NDUFAF2: variants seen among roughly 807,000 people sequenced by gnomAD.
NDUFAF2 encodes the protein NADH dehydrogenase [ubiquinone] 1 alpha subcomplex assembly factor 2.
Under a neutral mutation model 22.8 loss-of-function variants are expected in NDUFAF2, and 13 were observed. The observed-to-expected ratio is 0.57, with a 90% confidence interval of 0.37 to 0.91. NDUFAF2 has a LOEUF of 0.91. Among genes scored for constraint, NDUFAF2 ranks in the 40% least tolerant of loss-of-function variants. NDUFAF2 has a pLI of 0.01. For synonymous variants in NDUFAF2, 53 were observed against 64.2 expected (o/e 0.83, Z 0.84); for missense variants, 162 against 195.2 (o/e 0.83, Z 1.01).
chr5:61,029,021 C>T (rs1458386582), intron 1 of NDUFAF2, among the ~76,000 whole-genome samples: 2 of 151,436 alleles, frequency 1.3e-5, no homozygotes, highest in Non-Finnish European at 2.9e-5. Flanking sequence ...TAAAACTGTA[C>T]AGACCACTTT....
intron 3 of NDUFAF2, among the ~76,000 whole-genome samples, chr5:61,148,876 A>G (rs1196347439): frequency 6.6e-6 from 1 of 152,216 alleles, no homozygotes; most frequent in Non-Finnish European, 1.5e-5. Context: ...AATATGGAAA[A>G]ATCTGTAATC....
chr5:61,007,150 G>C (rs1324279820), intron 1 of NDUFAF2, among the ~76,000 whole-genome samples: 1 of 151,874 alleles, frequency 6.6e-6, no homozygotes, highest in African/African-American at 2.4e-5. Context: ...TTTGGCTTTT[G>C]TTGCCATTGC....
At chr5:61,122,154 C>T (rs1752984133) in intron 3 of NDUFAF2, among the ~76,000 whole-genome samples, 1 of 152,108 alleles carries the variant, frequency 6.6e-6, no homozygotes, top group East Asian at 1.9e-4. Flanking sequence ...CTGATTTCAA[C>T]TCTTTCCTGG....
At chr5:60,960,066 A>G (rs1365445181) in intron 1 of NDUFAF2, among the ~76,000 whole-genome samples, 1 of 152,124 alleles carries the variant, frequency 6.6e-6, no homozygotes, top group Admixed American at 6.5e-5. Flanking sequence ...TTAATCTTGA[A>G]TTCTAGTTTT....
intron 1 of NDUFAF2, among the ~76,000 whole-genome samples, chr5:61,002,244 C>G (rs1751306085): frequency 6.6e-6 from 1 of 152,102 alleles, no homozygotes. Flanking sequence ...TGAGTCCTCT[C>G]TAATACTAGC....
intron 1 of NDUFAF2, among the ~76,000 whole-genome samples, chr5:61,042,365 A>T (rs1338688989): frequency 6.6e-6 from 1 of 152,232 alleles, no homozygotes; most frequent in East Asian, 1.9e-4. Context: ...TTGTATAAAA[A>T]GGAAAAGTAC....
At chr5:61,027,831 T>C (rs1001316393) in intron 1 of NDUFAF2, among the ~76,000 whole-genome samples, 1 of 152,028 alleles carries the variant, frequency 6.6e-6, no homozygotes, top group Non-Finnish European at 1.5e-5. Flanking sequence ...ATTTCTCTTT[T>C]AGCTTGTTGT....
chr5:61,031,323 A>G (rs942237085), intron 1 of NDUFAF2, among the ~76,000 whole-genome samples: 46 of 152,004 alleles, frequency 3.0e-4, no homozygotes, highest in Non-Finnish European at 5.6e-4. Flanking sequence ...ACCCCCTGAC[A>G]GGCCCTGGTG....
intron 1 of NDUFAF2, among the ~76,000 whole-genome samples, chr5:60,980,932 C>G (rs181232368): frequency 2.0e-5 from 3 of 151,934 alleles, no homozygotes; most frequent in Admixed American, 1.3e-4. Flanking sequence ...AGTATGTTTA[C>G]AAGATCTAGA....
intron 1 of NDUFAF2, among the ~76,000 whole-genome samples, chr5:61,024,062 A>G (rs1421190886): frequency 6.6e-6 from 1 of 152,138 alleles, no homozygotes; most frequent in African/African-American, 2.4e-5. Context: ...TATTATTTTG[A>G]AAGTATTTTA....
At chr5:61,114,885 T>G (rs1193164740) in intron 3 of NDUFAF2, 2 of 152,224 alleles carry the variant, frequency 1.3e-5, no homozygotes, top group African/African-American at 4.8e-5. Flanking sequence ...TCCCTTACTT[T>G]CTCTCAAACA....
At chr5:60,999,409 T>C (rs1428501338) in intron 1 of NDUFAF2, among the ~76,000 whole-genome samples, 1 of 152,122 alleles carries the variant, frequency 6.6e-6, no homozygotes, top group East Asian at 1.9e-4. Flanking sequence ...TACTAATTTA[T>C]ACTTGCTGCC....
intron 2 of NDUFAF2, among the ~76,000 whole-genome samples, chr5:61,077,509 A>C (rs369137694): frequency 2.0e-5 from 3 of 152,180 alleles, no homozygotes; most frequent in African/African-American, 7.2e-5. Flanking sequence ...GCAAGAGAGA[A>C]TTTGGAGAGT....
At chr5:61,050,569 T>G (rs559899032) in intron 1 of NDUFAF2, 2 of 152,238 alleles carry the variant, frequency 1.3e-5, no homozygotes, top group African/African-American at 2.4e-5. Context: ...ATCATAAAAT[T>G]TATGCACTTT....
rs117576600 is a variant in NDUFAF2, at chr5:61,095,648, G to A, written c.218-3344G>A. On this transcript the variant is annotated intron_variant, in intron 2 of 3. Transcript: ENST00000296597. Reference sequence around the variant, plus strand: ...TGCCTGAGTGGCTGCTCTGCCAAGAGTCCACACAGCTCTGTGTCAGACCAA... The same window carrying A: ...TGCCTGAGTGGCTGCTCTGCCAAGAATCCACACAGCTCTGTGTCAGACCAA... Among the ~76,000 whole-genome samples the A allele has an allele frequency of 5.8e-3, 887 of 152,350 alleles. 21 individuals are homozygous for A. In the South Asian group the frequency reaches 0.064, roughly 11 times the overall value.
rs1173622571 is a variant in NDUFAF2, at chr5:60,983,085, T to C, written c.127+37703T>C. On this transcript the variant is annotated intron_variant, in intron 1 of 3. Coordinates refer to ENST00000296597, the MANE Select transcript of NDUFAF2 (RefSeq NM_174889.5). ...TGTTGTTTCCTGATTTTTTAATGAT[T>C]GCCATTCTAACTGGTGTGAGATGGT... is the stretch of plus-strand genomic sequence containing the variant. 2.5e-3 allele frequency among the ~76,000 whole-genome samples: 373 copies of C among 151,538 alleles called. 7 individuals carry two copies. The highest frequency in any genetic ancestry group is 8.3e-3 in the African/African-American group (342 of 41,304).
chr5:61,039,779 A>G (rs1751848580), intron 1 of NDUFAF2, among the ~76,000 whole-genome samples: 1 of 152,178 alleles, frequency 6.6e-6, no homozygotes, highest in African/African-American at 2.4e-5. Context: ...CTCATCAAAG[A>G]AAACAAACAT....
chr5:61,054,216 TAAAATA>T, intron 1 of NDUFAF2, among the ~76,000 whole-genome samples: 1 of 144,866 alleles, frequency 6.9e-6, no homozygotes, highest in African/African-American at 2.4e-5. Flanking sequence ...AAAACAAAAA[TAAAATA>T]AAAATATAAC....
At position 60,968,435 on chromosome 5, in the gene NDUFAF2, A is replaced by G. The variant is rs1750786107; in HGVS notation, c.127+23053A>G. Among the ~76,000 whole-genome samples the G allele has an allele frequency of 2.0e-5, 3 of 151,278 alleles. No individual in the cohort carries two copies. The South Asian group carries it at 6.2e-4, about 31-fold the overall frequency. On this transcript the variant is annotated intron_variant, in intron 1 of 3. Transcript: ENST00000296597. Reference sequence around the variant, plus strand: ...CCTGAGGCATAGTGTTAGATTGTATATTTGAGATTTTTTTAATGTAAGTGT... The same window carrying G: ...CCTGAGGCATAGTGTTAGATTGTATGTTTGAGATTTTTTTAATGTAAGTGT...
Sources: allele counts gnomAD v4.1 joint callset (sites outside exome capture counted in the v4.1 genomes callset), GRCh38; gene constraint gnomAD v4.1.1; transcripts MANE v1.5; gene names NCBI Gene and HGNC (gene_info 2026-07-23, HGNC 2026-07-21).